The following PCDHGB6 variants were observed in gnomAD, a reference collection of about 807,000 sequenced individuals.
PCDHGB6 encodes the protein protocadherin gamma-B6.
In PCDHGB6, 51 loss-of-function variants were observed where a neutral mutation model predicts 59.1. The ratio of observed to expected loss-of-function variants is 0.86; its 90% CI spans 0.69 to 1.09. PCDHGB6 has a LOEUF of 1.09. Among genes scored for constraint, PCDHGB6 ranks in the 50% least tolerant of loss-of-function variants. The pLI is 0.00. For synonymous variants in PCDHGB6, 466 were observed against 495.1 expected (o/e 0.94, Z 0.78); for missense variants, 1,148 against 1,205.1 (o/e 0.95, Z 0.70).
At position 141,485,698 on chromosome 5, in the gene PCDHGB6, T is replaced by C. The variant is rs1175015922; in HGVS notation, c.2419-9109T>C. ...TTAGCAGCTATAGGCTGAGCTCCAA[T>C]GAACACTTTGCACTGGATGTGAAGA... On this transcript the variant is annotated intron_variant, in intron 1 of 3. Transcript: ENST00000520790. This position sits in a 1 kb window ranked among gnomAD's most constrained non-coding sequence, Gnocchi z 5.7. 6.2e-7 allele frequency: 1 copy of C among 1,613,994 alleles called. No homozygotes were observed. The highest frequency in any genetic ancestry group is 8.5e-7 in the Non-Finnish European group (1 of 1,180,002).
chr5:141,496,234 T>C (rs2154591884), intron 2 of PCDHGB6, among the ~76,000 whole-genome samples: 1 of 152,232 alleles, frequency 6.6e-6, no homozygotes, highest in Middle Eastern at 3.4e-3. Context: ...AGGAACCCCC[T>C]GCGGGCTGAA....
intron 1 of PCDHGB6, chr5:141,419,785 G>A (rs1268841728): frequency 1.2e-6 from 2 of 1,613,934 alleles, no homozygotes; most frequent in Non-Finnish European, 1.7e-6. Flanking sequence ...GCCAGCGCCT[G>A]CTAGTCGCTG....
chr5:141,505,322 G>A, intron 2 of PCDHGB6, 71 bp from the exon 3 acceptor site: 1 of 1,606,332 alleles, frequency 6.2e-7, no homozygotes, highest in African/African-American at 1.3e-5. Context: ...TGGGAGCCCT[G>A]GGAGAGGACA....
intron 1 of PCDHGB6, among the ~76,000 whole-genome samples, chr5:141,467,017 C>T (rs1036255706): frequency 4.0e-5 from 6 of 151,156 alleles, no homozygotes; most frequent in African/African-American, 1.5e-4. Context: ...AATTTTTTTC[C>T]CTTTGTTTTT....
chr5:141,500,445 G>A (rs1319009998), intron 2 of PCDHGB6, among the ~76,000 whole-genome samples: 1 of 151,816 alleles, frequency 6.6e-6, no homozygotes, highest in Non-Finnish European at 1.5e-5. Flanking sequence ...TCCTGACCTC[G>A]TGATCCGCCC....
intron 1 of PCDHGB6, among the ~76,000 whole-genome samples, chr5:141,492,530 C>A (rs1595123138): frequency 1.3e-5 from 2 of 152,246 alleles, no homozygotes; most frequent in South Asian, 2.1e-4. Flanking sequence ...CCCACCTGCG[C>A]CCCGGGCTGG....
chr5:141,476,196 A>G lies in PCDHGB6; in HGVS notation c.2419-18611A>G, dbSNP rs2099386612. The G allele has an allele frequency of 6.2e-7, 1 of 1,613,852 alleles. No individual in the cohort carries two copies. Among genetic ancestry groups the G allele is most frequent in the South Asian group, 1.1e-5 (1 of 91,074 alleles). ...GTTTTGCTTCTGCTTGGTGCCTTGA[A>G]CAAGGCTTCCACGGTCATTCACTAT... On this transcript the variant is annotated intron_variant, in intron 1 of 3. Coordinates refer to ENST00000520790, the MANE Select transcript of PCDHGB6 (RefSeq NM_018926.3). This position sits in a 1 kb window ranked among gnomAD's most constrained non-coding sequence, Gnocchi z 7.6.
At chr5:141,452,908 A>G (rs747849272) in intron 1 of PCDHGB6, among the ~76,000 whole-genome samples, 5 of 152,222 alleles carry the variant, frequency 3.3e-5, no homozygotes, top group African/African-American at 4.8e-5. Flanking sequence ...AGTTGGCATT[A>G]TACAGTAAGA....
At position 141,494,872 on chromosome 5, in the gene PCDHGB6, G is replaced by T. The variant is rs917132299; in HGVS notation, c.2477+7G>T. On this transcript the variant is annotated splice_region_variant and intron_variant, in intron 2 of 3. Transcript: ENST00000520790. The stretch of plus-strand genomic sequence containing the variant: ...AGAGACCCGGCACCAGCGGGTAGGT[G>T]ACTGATTCTCCAGCCCACCCTCTTC... 7 of 1,614,010 alleles carry T rather than the reference G, an allele frequency of 4.3e-6. No homozygotes were observed. The highest frequency in any genetic ancestry group is 1.3e-5 in the African/African-American group (1 of 74,910).
At chr5:141,499,606 C>T (rs2099792968) in intron 2 of PCDHGB6, among the ~76,000 whole-genome samples, 1 of 152,028 alleles carries the variant, frequency 6.6e-6, no homozygotes, top group African/African-American at 2.4e-5. Context: ...TATCCCTACC[C>T]TTATCCTGTC....
Position 141,456,465 on chromosome 5 carries a change from C to T in PCDHGB6, c.2419-38342C>T, listed in dbSNP as rs553441797. ...ACAGAGTCCAAATATCAATACAAGA[C>T]ATATAAGCAAGAGAGTGCTTAATAA... On this transcript the variant is annotated intron_variant, in intron 1 of 3. Coordinates refer to ENST00000520790, the MANE Select transcript of PCDHGB6 (RefSeq NM_018926.3). 2.6e-5 allele frequency among the ~76,000 whole-genome samples: 4 copies of T among 152,212 alleles called. No homozygotes were observed. In the East Asian group the frequency reaches 7.7e-4, roughly 29 times the overall value.
Position 141,415,142 on chromosome 5 carries a change from C to A in PCDHGB6, c.2418+4522C>A, listed in dbSNP as rs757516335. On this transcript the variant is annotated intron_variant, in intron 1 of 3. Coordinates refer to ENST00000520790, the MANE Select transcript of PCDHGB6 (RefSeq NM_018926.3). The stretch of plus-strand genomic sequence containing the variant: ...GTGGCCGTCCAGGACCACGGCCAGC[C>A]CCCTCTCTCCGCCACTGTCACGCTC... 10 of 1,613,732 alleles carry A rather than the reference C, an allele frequency of 6.2e-6. 1 individual carries two copies. In the South Asian group the frequency reaches 1.1e-4, roughly 18 times the overall value.
Position 141,410,405 on chromosome 5 carries a change from T to C in PCDHGB6, c.2203T>C (p.Ser735Pro), listed in dbSNP as rs777544150. ...CTTCCATCCTGGTCTCTGTGTCAAGTCTGGACCTGTAGTTCCCCCCAACTA... is the reference window on the plus strand; with the variant it reads ...CTTCCATCCTGGTCTCTGTGTCAAGCCTGGACCTGTAGTTCCCCCCAACTA... ...DCFHPGLCVK[S>P]GPVVPPNYSE... Residue 735 changes from serine (S) to proline (P), a missense_variant, in exon 1 of 4, where the codon TCT becomes CCT. Transcript: ENST00000520790. 2.2e-5 allele frequency: 35 copies of C among 1,613,948 alleles called. 1 individual carries two copies. In the East Asian group the frequency reaches 7.8e-4, roughly 36 times the overall value.
chr5:141,478,186 C>T, intron 1 of PCDHGB6: 2 of 1,614,016 alleles, frequency 1.2e-6, no homozygotes, highest in Non-Finnish European at 1.7e-6. Context: ...AAAAAAATCT[C>T]ACCTTTTATC....
At chr5:141,425,822 A>G (rs1257213242) in intron 1 of PCDHGB6, among the ~76,000 whole-genome samples, 1 of 152,240 alleles carries the variant, frequency 6.6e-6, no homozygotes, top group Non-Finnish European at 1.5e-5. Context: ...GAAAAAAACA[A>G]ACTTTTAAAT....
chr5:141,415,289 C>T (rs1413039067), intron 1 of PCDHGB6: 11 of 1,614,088 alleles, frequency 6.8e-6, no homozygotes, highest in African/African-American at 1.3e-5. Flanking sequence ...GCCGCGGTCT[C>T]CTGCGTCTTC....
chr5:141,463,653 G>A (rs1378583183), intron 1 of PCDHGB6, among the ~76,000 whole-genome samples: 2 of 151,764 alleles, frequency 1.3e-5, no homozygotes, highest in Admixed American at 6.6e-5. Context: ...GGGTTTCACC[G>A]TGTTAGCCAG....
At chr5:141,420,024 C>T (rs2096459407) in intron 1 of PCDHGB6, 1 of 1,614,088 alleles carries the variant, frequency 6.2e-7, no homozygotes, top group Non-Finnish European at 8.5e-7. Context: ...TTCAGCCCTA[C>T]TGCAGGAGAC....
chr5:141,485,745 T>C lies in PCDHGB6; in HGVS notation c.2419-9062T>C. 3 of 1,614,146 alleles carry C rather than the reference T, an allele frequency of 1.9e-6. No individual in the cohort carries two copies. Among genetic ancestry groups the C allele is most frequent in the Non-Finnish European group, 2.5e-6 (3 of 1,179,986 alleles). ...AAGAAGCGCAGCGACGGCAGCCTGGTCCCAGAGCTGCTCCTGGAGAAGCCT... is the reference window on the plus strand; with the variant it reads ...AAGAAGCGCAGCGACGGCAGCCTGGCCCCAGAGCTGCTCCTGGAGAAGCCT... On this transcript the variant is annotated intron_variant, in intron 1 of 3. Transcript: ENST00000520790. This position sits in a 1 kb window ranked among gnomAD's most constrained non-coding sequence, Gnocchi z 5.7.
Sources: gnomAD v4.1 joint callset for allele counts (sites outside exome capture counted in the v4.1 genomes callset) on GRCh38, gnomAD v4.1.1 for gene constraint, Gnocchi (gnomAD v3.1) non-coding constraint, MANE v1.5 for transcripts, NCBI Gene and HGNC (gene_info 2026-07-23, HGNC 2026-07-21) for gene names.